The following HTR1F variants were observed in gnomAD, a reference collection of about 807,000 sequenced individuals.
The protein encoded by HTR1F is 5-hydroxytryptamine (serotonin) receptor 1F, G protein-coupled.
A neutral mutation model predicts 24.0 loss-of-function variants in HTR1F; 17 were observed. That is an observed-to-expected ratio of 0.71 (90% confidence interval 0.48 to 1.06). HTR1F has a LOEUF of 1.06. Among genes scored for constraint, HTR1F ranks in the 50% least tolerant of loss-of-function variants. The pLI is 0.00. For synonymous variants in HTR1F, 186 were observed against 156.8 expected, an observed-to-expected ratio of 1.19 and a Z score of -1.39; for missense variants, 391 against 427.8, an observed-to-expected ratio of 0.91 and a Z score of 0.76.
At chr3:87,847,506 A>C (rs980629464) in intron 2 of HTR1F, among the ~76,000 whole-genome samples, 2 of 151,838 alleles carry the variant, frequency 1.3e-5, no homozygotes, top group African/African-American at 4.9e-5. Flanking sequence ...GGTATCCATT[A>C]ACTTGGGTGT....
intron 2 of HTR1F, among the ~76,000 whole-genome samples, chr3:87,887,765 A>G (rs1350905968): frequency 2.6e-5 from 4 of 152,256 alleles, no homozygotes; most frequent in Non-Finnish European, 5.9e-5. Flanking sequence ...CAAAACCACA[A>G]TGAGATACCA....
At chr3:87,837,034 AT>A (rs1704697334) in intron 2 of HTR1F, among the ~76,000 whole-genome samples, 1 of 152,036 alleles carries the variant, frequency 6.6e-6, no homozygotes, top group Non-Finnish European at 1.5e-5. Context: ...TCACAGACTT[AT>A]TATGTTTGCA....
Position 87,991,254 on chromosome 3 carries a change from G to C in HTR1F, c.505G>C (p.Asp169His). ...CTGGAGGCACCAAGGAACTAGCAGAGATGATGAATGCATCATCAAGCACGA... is the reference window on the plus strand; with the variant it reads ...CTGGAGGCACCAAGGAACTAGCAGACATGATGAATGCATCATCAAGCACGA... ...LFWRHQGTSR[D>H]DECIIKHDHI... The change falls in exon 3 of 3, where the codon GAT becomes CAT. Residue 169 changes from aspartate to histidine, a missense_variant. Transcript: ENST00000319595. The C allele has an allele frequency of 1.2e-6, 2 of 1,614,052 alleles. No homozygotes were observed. Among genetic ancestry groups the C allele is most frequent in the East Asian group, 2.2e-5 (1 of 44,878 alleles).
chr3:87,964,119 G>A (rs1231488062), intron 2 of HTR1F, among the ~76,000 whole-genome samples: 1 of 152,018 alleles, frequency 6.6e-6, no homozygotes, highest in African/African-American at 2.4e-5. Flanking sequence ...ATTGGCTGCC[G>A]GGTGCTTTAA....
chr3:87,887,769 G>A (rs1056038568), intron 2 of HTR1F, among the ~76,000 whole-genome samples: 2 of 152,184 alleles, frequency 1.3e-5, no homozygotes, highest in African/African-American at 4.8e-5. Flanking sequence ...ACCACAATGA[G>A]ATACCATCTC....
chr3:87,928,137 C>T (rs1704172979), intron 2 of HTR1F, among the ~76,000 whole-genome samples: 1 of 151,660 alleles, frequency 6.6e-6, no homozygotes, highest in Non-Finnish European at 1.5e-5. Flanking sequence ...CCTCTGCTTC[C>T]CAGGTTCAAG....
intron 2 of HTR1F, among the ~76,000 whole-genome samples, chr3:87,872,629 G>A (rs941359171): frequency 1.2e-4 from 18 of 151,770 alleles, no homozygotes; most frequent in African/African-American, 4.1e-4. Flanking sequence ...TAATGCCACA[G>A]AAATAAAAAA....
chr3:87,898,160 T>G (rs1371831685), intron 2 of HTR1F, among the ~76,000 whole-genome samples: 1 of 152,104 alleles, frequency 6.6e-6, no homozygotes, highest in East Asian at 1.9e-4. Flanking sequence ...AGGAACAAGA[T>G]GGGCTAAAAA....
intron 2 of HTR1F, among the ~76,000 whole-genome samples, chr3:87,909,474 C>T (rs1281128277): frequency 6.6e-6 from 1 of 152,000 alleles, no homozygotes; most frequent in East Asian, 1.9e-4. Flanking sequence ...GAACAACTCA[C>T]TGATATGCAT....
At position 87,893,692 on chromosome 3, in the gene HTR1F, G is replaced by A. The variant is rs186139068; in HGVS notation, c.-43+71568G>A. The stretch of plus-strand genomic sequence containing the variant: ...TGGCTCTTGACAGCATCTTTGCTTT[G>A]CAATCCATGACAATAACTGGTGTTC... On this transcript the variant is annotated intron_variant, in intron 2 of 2. Coordinates refer to ENST00000319595, the MANE Select transcript of HTR1F (RefSeq NM_001322209.2). Among the ~76,000 whole-genome samples, 252 of 152,274 alleles carry A rather than the reference G, an allele frequency of 1.7e-3. 1 individual carries two copies. Among genetic ancestry groups the A allele is most frequent in the Admixed American group, 3.7e-3 (57 of 15,292 alleles).
chr3:87,949,199 T>G (rs1704780406), intron 2 of HTR1F, among the ~76,000 whole-genome samples: 1 of 152,250 alleles, frequency 6.6e-6, no homozygotes, highest in Non-Finnish European at 1.5e-5. Flanking sequence ...TTAATTGTAT[T>G]GCCAAGAAGA....
rs908282080 is a variant in HTR1F at position 87,992,244 on chromosome 3, A to G, written c.*394A>G. On this transcript the variant is annotated 3_prime_UTR_variant, in exon 3 of 3. Coordinates refer to ENST00000319595, the MANE Select transcript of HTR1F (RefSeq NM_001322209.2). ...TTCTATCTAGTCCTACTGTTTTATA[A>G]TATAATTCTATTATTTTGTATAAGA... The G allele has an allele frequency of 5.4e-5, 9 of 167,532 alleles. No homozygotes were observed. Among genetic ancestry groups the G allele is most frequent in the African/African-American group, 2.2e-4 (9 of 41,446 alleles). 10.4% of individuals were successfully genotyped at this position (167,532 alleles called of 1,614,324 possible).
chr3:87,827,383 G>A (rs1323587412), intron 2 of HTR1F, among the ~76,000 whole-genome samples: 3 of 151,608 alleles, frequency 2.0e-5, no homozygotes, highest in Non-Finnish European at 4.4e-5. Flanking sequence ...CCTTTCCCAG[G>A]CAGTCACATT....
At chr3:87,858,238 C>A (rs1384906321) in intron 2 of HTR1F, among the ~76,000 whole-genome samples, 1 of 152,126 alleles carries the variant, frequency 6.6e-6, no homozygotes, top group Admixed American at 6.6e-5. Flanking sequence ...GTATAGAGCA[C>A]TGTAAAATTT....
At chr3:87,907,922 A>G (rs1444841767) in intron 2 of HTR1F, among the ~76,000 whole-genome samples, 4 of 152,062 alleles carry the variant, frequency 2.6e-5, no homozygotes, top group African/African-American at 4.8e-5. Context: ...ACAAATTAGT[A>G]TAAGTTTCTG....
intron 2 of HTR1F, among the ~76,000 whole-genome samples, chr3:87,931,803 G>T (rs1228682931): frequency 6.7e-6 from 1 of 148,896 alleles, no homozygotes; most frequent in East Asian, 2.0e-4. Context: ...GGCCAGTGAT[G>T]GTGAGCATTT....
chr3:87,834,616 T>C (rs553027960), intron 2 of HTR1F, among the ~76,000 whole-genome samples: 2 of 152,250 alleles, frequency 1.3e-5, no homozygotes, highest in Non-Finnish European at 2.9e-5. Flanking sequence ...TGAATGGATA[T>C]ATGAATGAAT....
chr3:87,977,715 C>T (rs1705429297), intron 2 of HTR1F, among the ~76,000 whole-genome samples: 2 of 152,012 alleles, frequency 1.3e-5, no homozygotes, highest in South Asian at 4.1e-4. Context: ...GCCACTGCTC[C>T]CCACCAAAGC....
chr3:87,901,003 C>T (rs903830705), intron 2 of HTR1F, among the ~76,000 whole-genome samples: 10 of 152,036 alleles, frequency 6.6e-5, no homozygotes, highest in Admixed American at 1.3e-4. Flanking sequence ...TAGAGGAGAA[C>T]GACATCCAAG....
Sources: allele counts gnomAD v4.1 joint callset (sites outside exome capture counted in the v4.1 genomes callset), GRCh38; gene constraint gnomAD v4.1.1; transcripts MANE v1.5; gene names NCBI Gene and HGNC (gene_info 2026-07-23, HGNC 2026-07-21).